The following ZFAND3 variants were observed in gnomAD, a reference collection of about 807,000 sequenced individuals.
ZFAND3 encodes AN1-type zinc finger protein 3.
Under a neutral mutation model 29.6 loss-of-function variants are expected in ZFAND3, and 10 were observed. The observed-to-expected ratio is 0.34, with a 90% CI of 0.21 to 0.57. The LOEUF (loss-of-function observed/expected upper bound fraction) is 0.57. Ranked by LOEUF, ZFAND3 falls within the 20% of genes least tolerant of loss-of-function variation. The pLI is 0.86. For synonymous variants in ZFAND3, 128 were observed against 112.6 expected (o/e 1.14, Z -0.87); for missense variants, 230 against 304.5 (o/e 0.76, Z 1.82).
intron 2 of ZFAND3, among the ~76,000 whole-genome samples, chr6:37,984,618 A>G (rs1346433478): frequency 6.6e-6 from 1 of 152,260 alleles, no homozygotes; most frequent in Non-Finnish European, 1.5e-5. Flanking sequence ...TATCAGTGCT[A>G]AAAGCTAGTT....
chr6:37,853,952 AT>A (rs961795338), intron 1 of ZFAND3, among the ~76,000 whole-genome samples: 9 of 151,016 alleles, frequency 6.0e-5, no homozygotes, highest in African/African-American at 2.2e-4. Flanking sequence ...TTTTTAAAAA[AT>A]TTTTTTTTTA....
chr6:38,097,046 T>C (rs1297435989), intron 4 of ZFAND3, among the ~76,000 whole-genome samples: 3 of 152,116 alleles, frequency 2.0e-5, no homozygotes, highest in Non-Finnish European at 2.9e-5. Context: ...CTGTTGACTT[T>C]TAAGAAAGAG....
chr6:37,822,833 G>A (rs1325370568), intron 1 of ZFAND3, among the ~76,000 whole-genome samples: 1 of 152,162 alleles, frequency 6.6e-6, no homozygotes, highest in African/African-American at 2.4e-5. Flanking sequence ...TTGAGGAACA[G>A]GTTTGTTGGG....
In ZFAND3 at chr6:37,855,477, T is replaced by C. The variant is rs758754161; in HGVS notation, c.71+35461T>C. On this transcript the variant is annotated intron_variant, in intron 1 of 5. Transcript: ENST00000287218. ...GCAATTGAAATTTGTGTCCATAATT[T>C]AGTTCAGGGCAACACCTCCCCGCCC... is the stretch of plus-strand genomic sequence containing the variant. Among the ~76,000 whole-genome samples the C allele has an allele frequency of 3.3e-5, 5 of 152,100 alleles. No homozygotes were observed. In the East Asian group the frequency reaches 5.8e-4, roughly 18 times the overall value.
chr6:38,085,612 T>C (rs1462956737), intron 4 of ZFAND3, among the ~76,000 whole-genome samples: 1 of 152,190 alleles, frequency 6.6e-6, no homozygotes, highest in East Asian at 1.9e-4. Context: ...TATTTATTTT[T>C]ATTTTTTAAT....
At chr6:37,902,737 CTTTT>C (rs11448512) in intron 1 of ZFAND3, among the ~76,000 whole-genome samples, 93 of 100,420 alleles carry the variant, frequency 9.3e-4, no homozygotes, top group African/African-American at 3.4e-3. Context: ...CTTTTACTTA[CTTTT>C]TTTTTTTTTT....
At chr6:37,929,200 G>A (rs907733894) in intron 1 of ZFAND3, among the ~76,000 whole-genome samples, 2 of 152,134 alleles carry the variant, frequency 1.3e-5, no homozygotes, top group African/African-American at 4.8e-5. Flanking sequence ...ATTATTCATC[G>A]CTTGTAACCA....
intron 2 of ZFAND3, among the ~76,000 whole-genome samples, chr6:38,044,833 C>T (rs1763864907): frequency 6.6e-6 from 1 of 151,982 alleles, no homozygotes; most frequent in Non-Finnish European, 1.5e-5. Flanking sequence ...TTGAGCCAGT[C>T]TTTTTAGATT....
chr6:37,989,632 A>G (rs866670181), intron 2 of ZFAND3, among the ~76,000 whole-genome samples: 2 of 152,192 alleles, frequency 1.3e-5, no homozygotes, highest in Non-Finnish European at 2.9e-5. Context: ...AGCAATAGAT[A>G]AAGAGCAAGC....
chr6:38,002,102 G>T (rs1447539038), intron 2 of ZFAND3, among the ~76,000 whole-genome samples: 3 of 152,098 alleles, frequency 2.0e-5, no homozygotes, highest in Non-Finnish European at 4.4e-5. Flanking sequence ...ATACTCAAGA[G>T]ATGTTGTTTT....
chr6:38,040,544 A>G (rs1019827572), intron 2 of ZFAND3, among the ~76,000 whole-genome samples: 2 of 152,220 alleles, frequency 1.3e-5, no homozygotes, highest in Non-Finnish European at 2.9e-5. Flanking sequence ...TTTTGATGTG[A>G]AGTACAGCAT....
chr6:38,043,451 G>A (rs965289730), intron 2 of ZFAND3, among the ~76,000 whole-genome samples: 8 of 116,476 alleles, frequency 6.9e-5, no homozygotes, highest in African/African-American at 2.1e-4. Context: ...TCCCCTCCCC[G>A]TCTCTTCTCT....
chr6:38,086,070 A>T (rs1260717322), intron 4 of ZFAND3, among the ~76,000 whole-genome samples: 1 of 152,210 alleles, frequency 6.6e-6, no homozygotes, highest in African/African-American at 2.4e-5. Flanking sequence ...AAAATGAGAG[A>T]GGCAGCTCTT....
intron 2 of ZFAND3, among the ~76,000 whole-genome samples, chr6:38,045,101 T>TATTTATTGATTG (rs1554169434): frequency 6.8e-6 from 1 of 146,074 alleles, no homozygotes; most frequent in African/African-American, 2.5e-5. Context: ...TTTATTTATT[T>TATTTATTGATTG]ATTGAGATGG....
At chr6:37,931,595 T>C (rs1049678225) in intron 2 of ZFAND3, among the ~76,000 whole-genome samples, 1 of 148,588 alleles carries the variant, frequency 6.7e-6, no homozygotes, top group Admixed American at 6.7e-5. Context: ...GAAATGTTAG[T>C]GTGTGTAAGT....
chr6:38,025,994 C>T (rs1297548803), intron 2 of ZFAND3, among the ~76,000 whole-genome samples: 1 of 152,094 alleles, frequency 6.6e-6, no homozygotes, highest in Non-Finnish European at 1.5e-5. Flanking sequence ...TATACTCTGC[C>T]TAAAACTATT....
intron 3 of ZFAND3, 61 bp downstream of exon 3, chr6:38,061,836 C>A (rs898117394): frequency 1.6e-5 from 25 of 1,566,896 alleles, no homozygotes; most frequent in Non-Finnish European, 2.1e-5. Context: ...AGATGAGCAT[C>A]TTGGTAATGC....
At chr6:37,999,043 T>G (rs1762900263) in intron 2 of ZFAND3, among the ~76,000 whole-genome samples, 1 of 152,058 alleles carries the variant, frequency 6.6e-6, no homozygotes, top group South Asian at 2.1e-4. Context: ...CTTGGAGAAG[T>G]GGTCAGTTCT....
At chr6:38,038,616 C>T (rs181495664) in intron 2 of ZFAND3, among the ~76,000 whole-genome samples, 3 of 151,836 alleles carry the variant, frequency 2.0e-5, no homozygotes, top group Admixed American at 1.3e-4. Flanking sequence ...AAAGTCGTTT[C>T]CCCCCCGCTT....
Sources: gnomAD v4.1 joint callset for allele counts (sites outside exome capture counted in the v4.1 genomes callset) on GRCh38, gnomAD v4.1.1 for gene constraint, MANE v1.5 for transcripts, NCBI Gene and HGNC (gene_info 2026-07-23, HGNC 2026-07-21) for gene names.